Variants in NFATC3 observed in about 807,000 individuals in gnomAD.
The protein encoded by NFATC3 is nuclear factor of activated T-cells, cytoplasmic 3.
Under a neutral mutation model 98.6 loss-of-function variants are expected in NFATC3, and 46 were observed. The ratio of observed to expected loss-of-function variants is 0.47; its 90% CI spans 0.37 to 0.60. The LOEUF is 0.60. Ranked by LOEUF, NFATC3 falls within the 20% of genes least tolerant of loss-of-function variation. The pLI, the probability that NFATC3 is intolerant of heterozygous loss-of-function variation, is 0.00. For synonymous variants in NFATC3, 512 were observed against 472.2 expected, an observed-to-expected ratio of 1.08 and a Z score of -1.09; for missense variants, 1,256 against 1,295.5, an observed-to-expected ratio of 0.97 and a Z score of 0.47.
chr16:68,106,243 C>G (rs1218936855), intron 1 of NFATC3, among the ~76,000 whole-genome samples: 2 of 152,012 alleles, frequency 1.3e-5, no homozygotes, highest in African/African-American at 4.8e-5. Flanking sequence ...TACATTCTAA[C>G]AAAATCCACT....
At chr16:68,101,517 T>A (rs2035357672) in intron 1 of NFATC3, among the ~76,000 whole-genome samples, 1 of 149,646 alleles carries the variant, frequency 6.7e-6, no homozygotes, top group Non-Finnish European at 1.5e-5. Flanking sequence ...GGAGTCTCGC[T>A]CTGTTGCCCA....
intron 1 of NFATC3, among the ~76,000 whole-genome samples, chr16:68,097,844 AGTTT>A (rs1269860147): frequency 2.0e-5 from 3 of 152,146 alleles, no homozygotes; most frequent in African/African-American, 4.8e-5. Flanking sequence ...CCCCAAAAGA[AGTTT>A]GTTTGTGTGC....
intron 9 of NFATC3, among the ~76,000 whole-genome samples, chr16:68,205,663 C>T (rs190006769): frequency 6.6e-6 from 1 of 152,240 alleles, no homozygotes; most frequent in Non-Finnish European, 1.5e-5. Flanking sequence ...ATTGGAGTTA[C>T]TAGTTTCTTG....
chr16:68,177,294 G>A (rs1283300682), intron 6 of NFATC3, among the ~76,000 whole-genome samples: 2 of 151,954 alleles, frequency 1.3e-5, no homozygotes, highest in East Asian at 1.9e-4. Flanking sequence ...CAGGTGATCC[G>A]CCCGTCTTGG....
At position 68,183,255 on chromosome 16, in the gene NFATC3, G is replaced by T. The variant is rs2040022563; in HGVS notation, c.1987G>T (p.Glu663Ter). 1 of 1,590,920 alleles carries T rather than the reference G, an allele frequency of 6.3e-7. No homozygotes were observed. Among genetic ancestry groups the T allele is most frequent in the African/African-American group, 1.4e-5 (1 of 73,382 alleles). ...CCATCCTTAGGCTCACATTGTCCTT[G>T]AAGTTCCTCCATATCATAACCCAGC... Reference protein sequence around the residue: ...EKCQGAHIVLEVPPYHNPAVT... With the variant: ...EKCQGAHIVL Residue 663 changes from glutamate (E) to a stop codon, truncating the protein, a stop_gained, in exon 8 of 10, where the codon GAA becomes TAA. Transcript: ENST00000346183. LOFTEE classifies it high-confidence loss of function.
intron 1 of NFATC3, among the ~76,000 whole-genome samples, chr16:68,087,989 T>A (rs186209892): frequency 9.8e-5 from 15 of 152,296 alleles, no homozygotes; most frequent in Non-Finnish European, 2.1e-4. Flanking sequence ...CTGTTGAGGA[T>A]GTGTTATATA....
chr16:68,183,192 T>C, intron 7 of NFATC3, 48 bp from the exon 8 acceptor site: 1 of 1,533,702 alleles, frequency 6.5e-7, no homozygotes, highest in African/African-American at 1.4e-5. Context: ...AACAGGTGCA[T>C]TTCATTTTTA....
In NFATC3 at chr16:68,166,761, A is replaced by C. The variant is rs997480617; in HGVS notation, c.1602-82A>C. On this transcript the variant is annotated intron_variant, in intron 4 of 9. Transcript: ENST00000346183. Reference sequence around the variant, plus strand: ...AATTTTGGGTAGTTTTTTTCTGACAAATTAACAATTTCTATGTAGTTGAGT... The same window carrying C: ...AATTTTGGGTAGTTTTTTTCTGACACATTAACAATTTCTATGTAGTTGAGT... 3 of 1,143,332 alleles carry C rather than the reference A, an allele frequency of 2.6e-6. No individual in the cohort carries two copies. The African/African-American group carries it at 4.7e-5, about 18-fold the overall frequency. 70.8% of individuals were successfully genotyped at this position (1,143,332 alleles called of 1,614,324 possible).
intron 5 of NFATC3, among the ~76,000 whole-genome samples, chr16:68,171,133 G>T (rs1448106536): frequency 1.3e-5 from 2 of 151,764 alleles, no homozygotes; most frequent in Non-Finnish European, 1.5e-5. Flanking sequence ...TCAGCCTCCC[G>T]AATAGCTGTG....
At chr16:68,175,270 G>T (rs769695235) in intron 6 of NFATC3, among the ~76,000 whole-genome samples, 5 of 152,210 alleles carry the variant, frequency 3.3e-5, no homozygotes, top group Non-Finnish European at 5.9e-5. Context: ...GGAGGAAGTT[G>T]TCAGTAGTGA....
At chr16:68,225,803 C>T (rs1406858277) in intron 9 of NFATC3, 1 of 152,152 alleles carries the variant, frequency 6.6e-6, no homozygotes, top group Non-Finnish European at 1.5e-5. Context: ...TGCTCTGGAC[C>T]TCACAGAGCA....
intron 9 of NFATC3, chr16:68,209,491 T>G: frequency 5.0e-6 from 1 of 199,154 alleles, no homozygotes; most frequent in East Asian, 1.3e-4. Context: ...CTGCTGGAGG[T>G]GTGGTGGCTG....
chr16:68,226,616 C>G lies in NFATC3; in HGVS notation c.*145C>G. On this transcript the variant is annotated 3_prime_UTR_variant, in exon 10 of 10. Coordinates refer to ENST00000346183, the MANE Select transcript of NFATC3 (RefSeq NM_173165.3). ...TGGGGAAAGTAGCATTCCTCCACCT[C>G]AGGCCTTGGGTAGATTTGGCAAAAG... 1 of 942,398 alleles carries G rather than the reference C, an allele frequency of 1.1e-6. No individual in the cohort carries two copies. Among genetic ancestry groups the G allele is most frequent in the Non-Finnish European group, 1.5e-6 (1 of 673,636 alleles). 58.4% of individuals were successfully genotyped at this position (942,398 alleles called of 1,614,324 possible).
chr16:68,110,071 C>G (rs2151479169), intron 1 of NFATC3, among the ~76,000 whole-genome samples: 1 of 152,250 alleles, frequency 6.6e-6, no homozygotes, highest in South Asian at 2.1e-4. Flanking sequence ...GTGATACGAT[C>G]TTGGCTCACT....
chr16:68,187,613 C>T (rs889869187), intron 8 of NFATC3, among the ~76,000 whole-genome samples: 1 of 152,098 alleles, frequency 6.6e-6, no homozygotes, highest in Non-Finnish European at 1.5e-5. Context: ...TAGCTCCTCT[C>T]CACAGGCAGG....
chr16:68,126,641 T>TA (rs2036845467), intron 3 of NFATC3, 31 bp downstream of exon 3: 2 of 1,610,302 alleles, frequency 1.2e-6, no homozygotes, highest in African/African-American at 2.7e-5. Context: ...GTTTTGCAGA[T>TA]ACCATACACC....
At chr16:68,176,381 T>G (rs998551796) in intron 6 of NFATC3, among the ~76,000 whole-genome samples, 4 of 151,992 alleles carry the variant, frequency 2.6e-5, no homozygotes, top group African/African-American at 9.7e-5. Flanking sequence ...TTGGACTTTG[T>G]ACGATATTGC....
At chr16:68,104,933 C>T (rs772393847) in intron 1 of NFATC3, among the ~76,000 whole-genome samples, 2 of 151,978 alleles carry the variant, frequency 1.3e-5, no homozygotes, top group Non-Finnish European at 2.9e-5. Context: ...GGATTACAGG[C>T]GTGAGCCACC....
At chr16:68,159,109 G>A (rs1264480898) in intron 4 of NFATC3, among the ~76,000 whole-genome samples, 1 of 152,192 alleles carries the variant, frequency 6.6e-6, no homozygotes, top group Non-Finnish European at 1.5e-5. Flanking sequence ...GCGCCTGTCT[G>A]TAGTCCCAGC....
Sources: allele counts gnomAD v4.1 joint callset (sites outside exome capture counted in the v4.1 genomes callset), GRCh38; gene constraint gnomAD v4.1.1; transcripts MANE v1.5; gene names NCBI Gene and HGNC (gene_info 2026-07-23, HGNC 2026-07-21).